The following NXN variants were observed in gnomAD, a reference collection of about 807,000 sequenced individuals.
NXN encodes the protein nucleoredoxin.
A neutral mutation model predicts 48.6 loss-of-function variants in NXN; 16 were observed. That is an observed-to-expected ratio of 0.33 (90% CI 0.22 to 0.50). The LOEUF is 0.50. NXN is among the 20% of genes least tolerant of loss of function. NXN has a pLI of 0.98. For synonymous variants in NXN, 281 were observed against 269.6 expected, an observed-to-expected ratio of 1.04 and a Z score of -0.41; for missense variants, 492 against 605.5, an observed-to-expected ratio of 0.81 and a Z score of 1.97.
At chr17:905,850 G>A (rs1274656266) in intron 1 of NXN, among the ~76,000 whole-genome samples, 3 of 151,840 alleles carry the variant, frequency 2.0e-5, no homozygotes, top group South Asian at 4.2e-4. Flanking sequence ...GGTGGCATGT[G>A]CCTGTGGTCC....
intron 1 of NXN, among the ~76,000 whole-genome samples, chr17:943,726 G>A (rs567647230): frequency 2.0e-5 from 3 of 152,108 alleles, no homozygotes; most frequent in South Asian, 2.1e-4. Flanking sequence ...TCGGGGGGCT[G>A]AGACAGGAGA....
chr17:978,835 GCCCTC>G lies in NXN; in HGVS notation c.360+479_360+483del, dbSNP rs569206325. On this transcript the variant is annotated intron_variant, in intron 1 of 7. Coordinates refer to ENST00000336868, the MANE Select transcript of NXN (RefSeq NM_022463.5). This position sits in a 1 kb window ranked among gnomAD's most constrained non-coding sequence, Gnocchi z 4.1. ...TGGGCGCCACGGGCGGGGGGCGTGC[GCCCTC>G]CCCTCCCCTCCCCTCCCCACTGTGG... 7.9e-5 allele frequency among the ~76,000 whole-genome samples: 12 copies of G among 151,314 alleles called. No individual in the cohort carries two copies. Among genetic ancestry groups the G allele is most frequent in the South Asian group, 4.2e-4 (2 of 4,778 alleles).
At chr17:835,318 A>T (rs1157692758) in intron 1 of NXN, among the ~76,000 whole-genome samples, 1 of 151,766 alleles carries the variant, frequency 6.6e-6, no homozygotes. Context: ...AAAAAAAAAA[A>T]AAAAAGAAAA....
intron 1 of NXN, chr17:864,078 T>C (rs1357968666): frequency 6.9e-7 from 1 of 1,446,920 alleles, no homozygotes. Flanking sequence ...GGGGCACAGT[T>C]ACCGTTGCTC....
chr17:901,988 C>T (rs2068542107), intron 1 of NXN, among the ~76,000 whole-genome samples: 2 of 152,066 alleles, frequency 1.3e-5, no homozygotes, highest in Non-Finnish European at 2.9e-5. Flanking sequence ...GTGTGAGCCA[C>T]CGCACCCGGC....
At chr17:878,516 T>TG (rs1204688048) in intron 1 of NXN, among the ~76,000 whole-genome samples, 1 of 108,648 alleles carries the variant, frequency 9.2e-6, no homozygotes, top group Non-Finnish European at 1.9e-5. Context: ...GAAGGTGGGG[T>TG]TTGGGGGCAG....
intron 1 of NXN, among the ~76,000 whole-genome samples, chr17:895,776 C>A: frequency 6.8e-5 from 1 of 14,646 alleles, no homozygotes; most frequent in Middle Eastern, 0.062. Context: ...CGAGATCGCA[C>A]CACTGCACTC....
chr17:890,535 C>T (rs1482645874), intron 1 of NXN, among the ~76,000 whole-genome samples: 1 of 139,604 alleles, frequency 7.2e-6, no homozygotes, highest in African/African-American at 2.7e-5. Context: ...CCAGCACGCC[C>T]GGCTAATTTT....
chr17:840,742 C>T (rs371720873), intron 1 of NXN, among the ~76,000 whole-genome samples: 14 of 152,190 alleles, frequency 9.2e-5, no homozygotes, highest in African/African-American at 3.1e-4. Context: ...AGGATCCGAT[C>T]GGCTGTGTCC....
intron 1 of NXN, among the ~76,000 whole-genome samples, chr17:858,756 A>AG (rs1245059191): frequency 3.3e-5 from 5 of 152,166 alleles, no homozygotes; most frequent in Non-Finnish European, 7.4e-5. Context: ...AAAGAAAGAA[A>AG]AAAAGAAAAC....
chr17:881,199 G>A (rs117381300), intron 1 of NXN, among the ~76,000 whole-genome samples: 11 of 152,210 alleles, frequency 7.2e-5, no homozygotes, highest in African/African-American at 1.4e-4. Context: ...GGGTGAGGAC[G>A]TGGAGCAAGT....
chr17:964,427 T>C (rs191474687), intron 1 of NXN, among the ~76,000 whole-genome samples: 1 of 152,346 alleles, frequency 6.6e-6, no homozygotes, highest in Non-Finnish European at 1.5e-5. Context: ...TCTCTGCAAA[T>C]TAATACTTTC....
At chr17:819,769 C>T (rs191529411) in intron 4 of NXN, among the ~76,000 whole-genome samples, 15 of 152,178 alleles carry the variant, frequency 9.9e-5, no homozygotes, top group African/African-American at 3.4e-4. Context: ...GCTAAGACGC[C>T]AGCCCACTTC....
At position 830,032 on chromosome 17, in the gene NXN, C is replaced by T. The variant is rs147503996; in HGVS notation, c.361-3954G>A. ...AAATGGTGTTTTTGGTTCTAGATCCCTGAGGAATCACCACACTGTCCTCCA... is the reference window on the plus strand; with the variant it reads ...AAATGGTGTTTTTGGTTCTAGATCCTTGAGGAATCACCACACTGTCCTCCA... On this transcript the variant is annotated intron_variant, in intron 1 of 7. Transcript: ENST00000336868. The surrounding 1 kb of genome is among the most constrained non-coding windows in gnomAD (Gnocchi z 4.2). Among the ~76,000 whole-genome samples, 1,892 of 152,248 alleles carry T rather than the reference C, an allele frequency of 0.012. 31 individuals are homozygous for T. Among genetic ancestry groups the T allele is most frequent in the African/African-American group, 0.042 (1,753 of 41,542 alleles).
chr17:979,538 C>T lies in NXN; in HGVS notation c.141G>A (p.Ala47=). The stretch of plus-strand genomic sequence containing the variant: ...AGGCGGCCAGGCTGGCGCTGAGCTG[C>T]GCGCAGGGGGCGCTGAGGCTGCAGC... The part of the protein sequence containing the change: ...YFGCSLSAPC[A]QLSASLAAFY... Residue 47 remains alanine (A), a synonymous_variant, in exon 1 of 8, where the codon GCG becomes GCA. Transcript: ENST00000336868. 1.5e-6 allele frequency: 2 copies of T among 1,334,336 alleles called. No homozygotes were observed. Among genetic ancestry groups the T allele is most frequent in the Non-Finnish European group, 1.9e-6 (2 of 1,035,906 alleles). The allele number at this position is 1,334,336 out of a possible 1,614,324, so 82.7% of individuals were successfully genotyped here.
chr17:887,742 A>T (rs879673486), intron 1 of NXN, among the ~76,000 whole-genome samples: 8 of 152,164 alleles, frequency 5.3e-5, no homozygotes, highest in Admixed American at 2.6e-4. Context: ...TTGAGGGGGA[A>T]AAAAGAGAAA....
intron 1 of NXN, among the ~76,000 whole-genome samples, chr17:949,697 C>T (rs940429603): frequency 7.6e-6 from 1 of 130,952 alleles, no homozygotes; most frequent in African/African-American, 2.9e-5. Flanking sequence ...CCTCTCCCCC[C>T]TGCCTCCTCC....
chr17:862,197 G>C (rs1301851901), intron 1 of NXN, among the ~76,000 whole-genome samples: 1 of 151,934 alleles, frequency 6.6e-6, no homozygotes, highest in Non-Finnish European at 1.5e-5. Context: ...TTAAAGCCCA[G>C]GATTCTGCAA....
At chr17:959,692 G>GT (rs2150627414) in intron 1 of NXN, among the ~76,000 whole-genome samples, 1 of 151,708 alleles carries the variant, frequency 6.6e-6, no homozygotes, top group Admixed American at 6.6e-5. Flanking sequence ...TACTCCAGAG[G>GT]TTGAGGCAGG....
Sources: allele counts gnomAD v4.1 joint callset (sites outside exome capture counted in the v4.1 genomes callset), GRCh38; gene constraint gnomAD v4.1.1; non-coding constraint Gnocchi (gnomAD v3.1); transcripts MANE v1.5; gene names NCBI Gene and HGNC (gene_info 2026-07-23, HGNC 2026-07-21).